Variants in LRP1B observed in about 807,000 individuals in gnomAD.
LRP1B encodes LDL receptor related protein 1B.
Under a neutral mutation model 556.6 loss-of-function variants are expected in LRP1B, and 217 were observed. The ratio of observed to expected loss-of-function variants is 0.39; its 90% CI spans 0.35 to 0.44. The LOEUF (loss-of-function observed/expected upper bound fraction) is 0.44. LRP1B is among the 20% of genes least tolerant of loss of function. LRP1B has a pLI of 1.00. For missense variants in LRP1B, 5,053 were observed against 5,620.8 expected (o/e 0.90, Z 3.23); for synonymous variants, 2,047 against 1,865.8 (o/e 1.10, Z -2.50).
chr2:141,473,320 G>A (rs998036955), intron 3 of LRP1B, among the ~76,000 whole-genome samples: 1 of 152,096 alleles, frequency 6.6e-6, no homozygotes, highest in African/African-American at 2.4e-5. Context: ...CTCCATAAGT[G>A]CACAATCCTA....
At chr2:141,623,221 T>C (rs551076788) in intron 2 of LRP1B, among the ~76,000 whole-genome samples, 2 of 152,322 alleles carry the variant, frequency 1.3e-5, no homozygotes, top group African/African-American at 2.4e-5. Context: ...TAACTCGCAT[T>C]GTCCATATCC....
intron 41 of LRP1B, among the ~76,000 whole-genome samples, chr2:140,676,740 C>A (rs1024355209): frequency 6.6e-6 from 1 of 152,094 alleles, no homozygotes; most frequent in African/African-American, 2.4e-5. Context: ...TTCCAGATAT[C>A]CATCAATAAA....
chr2:140,578,216 T>C (rs1273728836), intron 43 of LRP1B, among the ~76,000 whole-genome samples: 1 of 152,074 alleles, frequency 6.6e-6, no homozygotes, highest in Non-Finnish European at 1.5e-5. Context: ...TTTTGACTTT[T>C]CTTTTTTCCA....
intron 2 of LRP1B, among the ~76,000 whole-genome samples, chr2:141,753,558 C>T (rs375234723): frequency 7.2e-5 from 11 of 151,872 alleles, no homozygotes; most frequent in African/African-American, 2.2e-4. Flanking sequence ...TTTCTTTGTA[C>T]GAATGGAATG....
intron 7 of LRP1B, among the ~76,000 whole-genome samples, chr2:141,100,707 G>T (rs1049715114): frequency 6.6e-6 from 1 of 152,156 alleles, no homozygotes; most frequent in South Asian, 2.1e-4. Flanking sequence ...TCCACTGAGG[G>T]TTTGCTGTTG....
At chr2:140,829,231 G>T (rs754835645) in intron 31 of LRP1B, among the ~76,000 whole-genome samples, 5 of 152,038 alleles carry the variant, frequency 3.3e-5, no homozygotes, top group Non-Finnish European at 7.4e-5. Flanking sequence ...TCATTGAGAT[G>T]GAAAATCAAC....
At chr2:141,770,612 C>T (rs1036851259) in intron 2 of LRP1B, among the ~76,000 whole-genome samples, 6 of 152,142 alleles carry the variant, frequency 3.9e-5, no homozygotes, top group Admixed American at 1.3e-4. Context: ...GTTCTCTTTC[C>T]AAAAGGATTT....
In LRP1B at chr2:141,618,702, C is replaced by T. The variant is rs142119315; in HGVS notation, c.206-138169G>A. On this transcript the variant is annotated intron_variant, in intron 2 of 90. Transcript: ENST00000389484. ...CAGTGAAAGTGGCAAGGATATTGTGCCGGATATGTTTTGGTGTGTTGAGCT... is the reference window on the plus strand; with the variant it reads ...CAGTGAAAGTGGCAAGGATATTGTGTCGGATATGTTTTGGTGTGTTGAGCT... Among the ~76,000 whole-genome samples the T allele has an allele frequency of 2.6e-3, 398 of 152,162 alleles. 1 individual carries two copies. Among genetic ancestry groups the T allele is most frequent in the Non-Finnish European group, 4.9e-3 (331 of 67,996 alleles).
intron 3 of LRP1B, among the ~76,000 whole-genome samples, chr2:141,271,295 C>A (rs1685080644): frequency 6.8e-6 from 1 of 147,676 alleles, no homozygotes; most frequent in African/African-American, 2.5e-5. Flanking sequence ...ATGAGAGTAG[C>A]AAAATAATAA....
At chr2:141,729,269 T>A (rs1281072030) in intron 2 of LRP1B, among the ~76,000 whole-genome samples, 2 of 152,168 alleles carry the variant, frequency 1.3e-5, no homozygotes, top group African/African-American at 4.8e-5. Flanking sequence ...ACAGTGATAC[T>A]TGAAACTTCA....
chr2:141,123,182 G>A (rs1274898121), intron 7 of LRP1B, among the ~76,000 whole-genome samples: 2 of 149,616 alleles, frequency 1.3e-5, no homozygotes, highest in Admixed American at 6.8e-5. Context: ...CATGGCATAC[G>A]TATACATATG....
chr2:141,188,416 C>A lies in LRP1B; in HGVS notation c.1013+5G>T. The A allele has an allele frequency of 2.5e-6, 4 of 1,609,770 alleles. No individual in the cohort carries two copies. The highest frequency in any genetic ancestry group is 8.5e-7 in the Non-Finnish European group (1 of 1,178,196). ...TTAGACCAAACACTATAAAGAATTT[C>A]TTACCCTGCTATTGGATCTACTGCT... On this transcript the variant is annotated splice_donor_5th_base_variant and intron_variant, in intron 7 of 90. Transcript: ENST00000389484.
chr2:141,879,532 C>T (rs1295530006), intron 1 of LRP1B, among the ~76,000 whole-genome samples: 1 of 151,866 alleles, frequency 6.6e-6, no homozygotes, highest in Non-Finnish European at 1.5e-5. Context: ...ATTTGAGTCA[C>T]TTCTGCTCTT....
chr2:140,522,354 T>C (rs973230672), intron 49 of LRP1B, among the ~76,000 whole-genome samples: 2 of 151,868 alleles, frequency 1.3e-5, no homozygotes, highest in Non-Finnish European at 2.9e-5. Flanking sequence ...TTAAAGCAGA[T>C]AACAAATGAT....
intron 29 of LRP1B, among the ~76,000 whole-genome samples, chr2:140,849,200 C>CAAAAAAAAAAAAAAAAAAAAA (rs70988447): frequency 2.0e-5 from 2 of 100,520 alleles, no homozygotes; most frequent in Non-Finnish European, 3.8e-5. Context: ...ACTAAAAATA[C>CAAAAAAAAAAAAAAAAAAAAA]AAAAAAAAAA....
chr2:141,744,940 C>T (rs1279663147), intron 2 of LRP1B, among the ~76,000 whole-genome samples: 1 of 152,160 alleles, frequency 6.6e-6, no homozygotes, highest in African/African-American at 2.4e-5. Context: ...GTTGTTGACT[C>T]GTAGAGGTAC....
intron 1 of LRP1B, among the ~76,000 whole-genome samples, chr2:141,960,333 T>G (rs986594556): frequency 6.6e-6 from 1 of 151,886 alleles, no homozygotes; most frequent in African/African-American, 2.4e-5. Flanking sequence ...AGAGACCTAA[T>G]GATAGTAATC....
At chr2:140,381,543 G>T (rs935702184) in intron 67 of LRP1B, among the ~76,000 whole-genome samples, 1 of 152,014 alleles carries the variant, frequency 6.6e-6, no homozygotes, top group South Asian at 2.1e-4. Flanking sequence ...TGTTTCAGAA[G>T]GCTAATTGGG....
At chr2:141,947,008 A>G (rs185356624) in intron 1 of LRP1B, among the ~76,000 whole-genome samples, 1 of 152,242 alleles carries the variant, frequency 6.6e-6, no homozygotes, top group Non-Finnish European at 1.5e-5. Context: ...TTTTGTCCCA[A>G]ATTTGCAAAG....
Sources: gnomAD v4.1 joint callset for allele counts (sites outside exome capture counted in the v4.1 genomes callset) on GRCh38, gnomAD v4.1.1 for gene constraint, MANE v1.5 for transcripts, NCBI Gene and HGNC (gene_info 2026-07-23, HGNC 2026-07-21) for gene names.